SMAD7: variants seen among roughly 807,000 people sequenced by gnomAD.
The protein encoded by SMAD7 is MAD (mothers against decapentaplegic, Drosophila) homolog 7.
A neutral mutation model predicts 38.7 loss-of-function variants in SMAD7; 8 were observed. That is an observed-to-expected ratio of 0.21 (90% confidence interval 0.12 to 0.37). The LOEUF is 0.37. SMAD7 is among the 10% of genes least tolerant of loss of function. The pLI, the probability that SMAD7 is intolerant of heterozygous loss-of-function variation, is 1.00. For missense variants in SMAD7, 477 were observed against 577.9 expected, an observed-to-expected ratio of 0.83 and a Z score of 1.79; for synonymous variants, 327 against 265.1, an observed-to-expected ratio of 1.23 and a Z score of -2.27.
intron 3 of SMAD7, among the ~76,000 whole-genome samples, chr18:48,932,046 C>T (rs562556928): frequency 6.6e-5 from 10 of 152,294 alleles, no homozygotes; most frequent in Non-Finnish European, 1.2e-4. Context: ...TTTGTAAGAA[C>T]GGTATGGTGC....
intron 2 of SMAD7, among the ~76,000 whole-genome samples, chr18:48,946,430 C>CGGGGT (rs1555718201): frequency 6.9e-6 from 1 of 145,904 alleles, no homozygotes; most frequent in Non-Finnish European, 1.5e-5. Flanking sequence ...GTGAGGGGGG[C>CGGGGT]GGGGGGGGTG....
At chr18:48,931,464 G>T (rs1395600269) in intron 3 of SMAD7, among the ~76,000 whole-genome samples, 1 of 152,186 alleles carries the variant, frequency 6.6e-6, no homozygotes, top group African/African-American at 2.4e-5. Context: ...TCGGCCCCCT[G>T]CAGATGTATA....
intron 3 of SMAD7, among the ~76,000 whole-genome samples, chr18:48,926,894 G>A (rs2069935346): frequency 1.3e-5 from 2 of 152,206 alleles, no homozygotes; most frequent in Admixed American, 6.5e-5. Context: ...TAAGATAAAA[G>A]GGGACTCCAG....
chr18:48,921,472 G>A lies in SMAD7; in HGVS notation c.1181C>T (p.Thr394Ile). 1 of 1,614,222 alleles carries A rather than the reference G, an allele frequency of 6.2e-7. No homozygotes were observed. The highest frequency in any genetic ancestry group is 8.5e-7 in the Non-Finnish European group (1 of 1,180,022). The stretch of plus-strand genomic sequence containing the variant: ...GCCCTTCACAAAGCTGATCTGCACG[G>A]TAAAGCCCGTCCACGGCTGCTGCAT... The part of the protein sequence containing the change: ...EFMQQPWTGF[T>I]VQISFVKGWG... Residue 394 changes from threonine to isoleucine, a missense_variant, in exon 4 of 4, where the codon ACC (threonine) becomes ATC (isoleucine). Coordinates refer to ENST00000262158, the MANE Select transcript of SMAD7 (RefSeq NM_005904.4). This position sits in a 1 kb window ranked among gnomAD's most constrained non-coding sequence, Gnocchi z 6.4.
At position 48,950,154 on chromosome 18, in the gene SMAD7, C is replaced by T; in HGVS notation, c.271G>A (p.Asp91Asn). 1 of 1,492,730 alleles carries T rather than the reference C, an allele frequency of 6.7e-7. No homozygotes were observed. The allele number at this position is 1,492,730 out of a possible 1,614,324, so 92.5% of individuals were successfully genotyped here. A position where few individuals can be genotyped will look rare whatever the true frequency, so the allele number is the denominator to read the frequency against. The change falls in exon 1 of 4, where the codon GAT becomes AAT. Residue 91 changes from aspartate to asparagine, a missense_variant. Asp to Asn is a conservative substitution (Grantham distance 23, BLOSUM62 1). Transcript: ENST00000262158. ...GAGAAGGAEA[D>N]LKALTHSVLK... Reference sequence around the variant, plus strand: ...ACCGAGTGCGTGAGCGCCTTCAGATCCGCCTCGGCGCCCCCGGCCGCGCCG... The same window carrying T: ...ACCGAGTGCGTGAGCGCCTTCAGATTCGCCTCGGCGCCCCCGGCCGCGCCG...
At chr18:48,925,568 G>A (rs868329094) in intron 3 of SMAD7, among the ~76,000 whole-genome samples, 3 of 152,122 alleles carry the variant, frequency 2.0e-5, no homozygotes, top group Non-Finnish European at 2.9e-5. Context: ...TTAGCAAGGA[G>A]CTCCCTGACT....
At chr18:48,946,432 G>GGGC (rs2070196275) in intron 2 of SMAD7, among the ~76,000 whole-genome samples, 1 of 151,984 alleles carries the variant, frequency 6.6e-6, no homozygotes, top group Non-Finnish European at 1.5e-5. Context: ...GAGGGGGGCG[G>GGGC]GGGGGGTGTG....
At chr18:48,948,469 C>A (rs755571774) in intron 1 of SMAD7, 32 bp from the exon 2 acceptor site, 3 of 1,471,964 alleles carry the variant, frequency 2.0e-6, no homozygotes, top group Non-Finnish European at 2.8e-6. Context: ...AAAATAAAGG[C>A]CCAGCCATGA....
At chr18:48,936,077 AACAC>A (rs74174732) in intron 3 of SMAD7, among the ~76,000 whole-genome samples, 1,362 of 79,576 alleles carry the variant, frequency 0.017, 9 homozygotes, top group Non-Finnish European at 0.023. Context: ...TCCATCTCAA[AACAC>A]ACACACACAC....
At chr18:48,928,709 A>G (rs2069957566) in intron 3 of SMAD7, among the ~76,000 whole-genome samples, 1 of 152,106 alleles carries the variant, frequency 6.6e-6, no homozygotes, top group Non-Finnish European at 1.5e-5. Flanking sequence ...ATGTTAAATA[A>G]TCAATTCCTA....
At chr18:48,937,094 A>C (rs2070076233) in intron 3 of SMAD7, among the ~76,000 whole-genome samples, 1 of 152,110 alleles carries the variant, frequency 6.6e-6, no homozygotes, top group African/African-American at 2.4e-5. Flanking sequence ...AAAAAAAAAA[A>C]AAATTAAAAC....
In SMAD7 at chr18:48,921,621, G is replaced by A. The variant is rs143946125; in HGVS notation, c.1032C>T (p.Ser344=). Reference sequence around the variant, plus strand: ...TGGAGTCCGGGTTGTCCAGTGTGGCGGACTTGATGAAGATGGGGTAACTGC... The same window carrying A: ...TGGAGTCCGGGTTGTCCAGTGTGGCAGACTTGATGAAGATGGGGTAACTGC... ...NRSSYPIFIK[S]ATLDNPDSRT... is the part of the protein sequence containing the mutation. Residue 344 remains serine, a synonymous_variant, in exon 4 of 4, where the codon TCC becomes TCT. Transcript: ENST00000262158. The surrounding 1 kb of genome is among the most constrained non-coding windows in gnomAD (Gnocchi z 6.4). 7.1e-5 allele frequency: 115 copies of A among 1,612,994 alleles called. No individual in the cohort carries two copies. The highest frequency in any genetic ancestry group is 8.6e-5 in the Non-Finnish European group (101 of 1,179,004).
rs993080953 is a variant in SMAD7, at chr18:48,950,269, G to A, written c.156C>T (p.Gly52=). Residue 52 remains glycine (G), a synonymous_variant, in exon 1 of 4, where the codon GGC becomes GGT. Transcript: ENST00000262158. ...AGCATCCAGCCCTGCCCGGGCCGCC[G>A]CCACCGGCCCCATGCGCTCGGCTGT... ...ATDSRAHGAG[G]GGPGRAGCCL... is the part of the protein sequence containing the mutation. 5.3e-5 allele frequency: 81 copies of A among 1,519,686 alleles called. No individual in the cohort carries two copies. Among genetic ancestry groups the A allele is most frequent in the Non-Finnish European group, 6.7e-5 (76 of 1,136,332 alleles). 94.1% of individuals were successfully genotyped at this position (1,519,686 alleles called of 1,614,324 possible).
At chr18:48,942,665 A>G (rs760755669) in intron 2 of SMAD7, 110 bp from the exon 3 acceptor site, 3 of 1,589,428 alleles carry the variant, frequency 1.9e-6, no homozygotes, top group Non-Finnish European at 2.6e-6. Context: ...ACATTCCAAA[A>G]GGCTGACTCG....
At chr18:48,946,936 G>C (rs2070201642) in intron 2 of SMAD7, among the ~76,000 whole-genome samples, 1 of 152,214 alleles carries the variant, frequency 6.6e-6, no homozygotes, top group Admixed American at 6.5e-5. Context: ...TAAGGTCACT[G>C]TTCTCTCTCT....
chr18:48,922,434 CT>C (rs1256022475), intron 3 of SMAD7, among the ~76,000 whole-genome samples: 1 of 152,098 alleles, frequency 6.6e-6, no homozygotes, highest in Non-Finnish European at 1.5e-5. Flanking sequence ...TGTCTAGACT[CT>C]GGGACCACCT....
rs1462732425 is a variant in SMAD7 at position 48,943,045 on chromosome 18, CT to C, written c.668-491del. Among the ~76,000 whole-genome samples, 5 of 152,294 alleles carry C rather than the reference CT, an allele frequency of 3.3e-5. No homozygotes were observed. In the East Asian group the frequency reaches 7.7e-4, roughly 23 times the overall value. ...GTTGGGCTGCCGGGACTTCTTTCCC[CT>C]TTTTTAATTGAGGACTAACTTAAGT... On this transcript the variant is annotated intron_variant, in intron 2 of 3. Coordinates refer to ENST00000262158, the MANE Select transcript of SMAD7 (RefSeq NM_005904.4).
At chr18:48,926,768 C>T (rs1337414828) in intron 3 of SMAD7, among the ~76,000 whole-genome samples, 1 of 152,220 alleles carries the variant, frequency 6.6e-6, no homozygotes, top group Non-Finnish European at 1.5e-5. Context: ...GTTGCCTCAT[C>T]CTGTCTCTCC....
intron 3 of SMAD7, among the ~76,000 whole-genome samples, chr18:48,937,307 T>TGTGTGTGTGTGTGG (rs2070080977): frequency 6.8e-6 from 1 of 146,268 alleles, no homozygotes; most frequent in Non-Finnish European, 1.5e-5. Flanking sequence ...TGTGTGTGTG[T>TGTGTGTGTGTGTGG]AGGAAGTGAG....
Sources: gnomAD v4.1 joint callset for allele counts (sites outside exome capture counted in the v4.1 genomes callset) on GRCh38, gnomAD v4.1.1 for gene constraint, Gnocchi (gnomAD v3.1) non-coding constraint, MANE v1.5 for transcripts, NCBI Gene and HGNC (gene_info 2026-07-23, HGNC 2026-07-21) for gene names.